Variants in RIGI observed in about 807,000 individuals in gnomAD.
RIGI encodes the protein antiviral innate immune response receptor RIG-I.
At chr9:32,456,878 A>C in the RIGI span, 2 of 442,334 alleles carry the variant, frequency 4.5e-6, no homozygotes, top group Non-Finnish European at 4.0e-6. Flanking sequence ...TCTAAAAAGA[A>C]GGCTAGAAAT....
chr9:32,461,080 G>T, the RIGI span, among the ~76,000 whole-genome samples: 2 of 151,180 alleles, frequency 1.3e-5, no homozygotes, highest in South Asian at 4.2e-4. Flanking sequence ...CCCATAGGGG[G>T]AAATCAGTCT....
chr9:32,482,925 G>A, the RIGI span, among the ~76,000 whole-genome samples: 77 of 152,008 alleles, frequency 5.1e-4, no homozygotes, highest in African/African-American at 1.8e-3. Flanking sequence ...GTGAACTTGG[G>A]CCTCCTGTTC....
chr9:32,499,311 G>GTTTTTTTTTTTTT, the RIGI span, among the ~76,000 whole-genome samples: 6 of 81,132 alleles, frequency 7.4e-5, no homozygotes, highest in African/African-American at 1.5e-4. Context: ...CAGAGTTTGT[G>GTTTTTTTTTTTTT]ATTTGTTTTT....
At chr9:32,491,123 G>A in the RIGI span, among the ~76,000 whole-genome samples, 1 of 152,154 alleles carries the variant, frequency 6.6e-6, no homozygotes, top group Non-Finnish European at 1.5e-5. Flanking sequence ...GAAGAACTAG[G>A]AGAGAATGGC....
chr9:32,475,945 CT>C, the RIGI span, among the ~76,000 whole-genome samples: 1 of 151,928 alleles, frequency 6.6e-6, no homozygotes, highest in Non-Finnish European at 1.5e-5. Context: ...TTTTGTCAGA[CT>C]ATAAAAAGAA....
At chr9:32,496,199 C>G in the RIGI span, among the ~76,000 whole-genome samples, 1 of 152,068 alleles carries the variant, frequency 6.6e-6, no homozygotes, top group Non-Finnish European at 1.5e-5. Context: ...ATGCTTTCTT[C>G]TAGGAGTTTT....
At chr9:32,507,812 C>T in the RIGI span, among the ~76,000 whole-genome samples, 16 of 151,904 alleles carry the variant, frequency 1.1e-4, no homozygotes, top group Non-Finnish European at 1.2e-4. Flanking sequence ...AGTCTGGCCC[C>T]CATTTTTATT....
chr9:32,502,526 C>CT, the RIGI span, among the ~76,000 whole-genome samples: 1 of 152,304 alleles, frequency 6.6e-6, no homozygotes, highest in Admixed American at 6.5e-5. Flanking sequence ...TTCTTACCAT[C>CT]GTTTTCATTT....
the RIGI span, among the ~76,000 whole-genome samples, chr9:32,503,997 A>G: frequency 6.7e-6 from 1 of 148,498 alleles, no homozygotes; most frequent in African/African-American, 2.5e-5. Flanking sequence ...AGCCGAGATC[A>G]TGCCACTCCA....
the RIGI span, among the ~76,000 whole-genome samples, chr9:32,509,200 G>A: frequency 1.3e-5 from 2 of 152,340 alleles, no homozygotes; most frequent in East Asian, 3.9e-4. Context: ...GTTGCTGCCT[G>A]CTGGCTCTGA....
the RIGI span, among the ~76,000 whole-genome samples, chr9:32,524,596 GTTTTTTTTTTTT>G: frequency 5.5e-4 from 37 of 67,586 alleles, no homozygotes; most frequent in South Asian, 3.7e-3. Context: ...TTGTTTTTCG[GTTTTTTTTTTTT>G]TTTTTTTTTT....
chr9:32,469,073 T>C, the RIGI span, among the ~76,000 whole-genome samples: 18 of 152,156 alleles, frequency 1.2e-4, no homozygotes, highest in Non-Finnish European at 2.5e-4. Context: ...AGTGGAGGAT[T>C]TGGAGACCCC....
the RIGI span, among the ~76,000 whole-genome samples, chr9:32,478,669 C>T: frequency 1.3e-5 from 2 of 152,178 alleles, no homozygotes; most frequent in African/African-American, 4.8e-5. Context: ...AGGTGATCCT[C>T]CCACCTCAGC....
chr9:32,459,329 G>C, the RIGI span: 1 of 1,600,702 alleles, frequency 6.2e-7, no homozygotes, highest in South Asian at 1.1e-5. Context: ...GCTGTAGCTA[G>C]TGCTAAAACA....
At chr9:32,476,654 T>C in the RIGI span, among the ~76,000 whole-genome samples, 6 of 152,050 alleles carry the variant, frequency 3.9e-5, no homozygotes, top group Non-Finnish European at 8.8e-5. Context: ...GGCTTTTTTT[T>C]TTTTTTTAGA....
the RIGI span, chr9:32,491,244 C>A: frequency 6.3e-7 from 1 of 1,590,322 alleles, no homozygotes; most frequent in Non-Finnish European, 8.5e-7. Flanking sequence ...AAAACAAGCC[C>A]CCACACCAAA....
the RIGI span, among the ~76,000 whole-genome samples, chr9:32,482,587 G>A: frequency 4.9e-4 from 74 of 152,292 alleles, no homozygotes; most frequent in African/African-American, 1.6e-3. Context: ...TTGGCCGGCC[G>A]CAGTGGCTCA....
At chr9:32,479,836 CAA>C in the RIGI span, among the ~76,000 whole-genome samples, 41 of 111,640 alleles carry the variant, frequency 3.7e-4, no homozygotes, top group Middle Eastern at 4.1e-3. Context: ...GACTCCATCT[CAA>C]AAAAAAAAAA....
the RIGI span, among the ~76,000 whole-genome samples, chr9:32,486,945 G>A: frequency 1.3e-5 from 2 of 152,218 alleles, no homozygotes; most frequent in East Asian, 3.8e-4. Flanking sequence ...CAAGGGTGAA[G>A]TCATATATAT....
Sources: gnomAD v4.1 joint callset for allele counts (sites outside exome capture counted in the v4.1 genomes callset) on GRCh38, gnomAD v4.1.1 for gene constraint, MANE v1.5 for transcripts, NCBI Gene and HGNC (gene_info 2026-07-23, HGNC 2026-07-21) for gene names.